Variants in DTNBP1 observed in about 807,000 individuals in gnomAD.
DTNBP1 encodes dysbindin.
A neutral mutation model predicts 42.8 loss-of-function variants in DTNBP1; 35 were observed. The ratio of observed to expected loss-of-function variants is 0.82; its 90% confidence interval spans 0.63 to 1.09. The LOEUF is 1.09. DTNBP1 is among the 50% of genes least tolerant of loss of function. The pLI, the probability that DTNBP1 is intolerant of heterozygous loss-of-function variation, is 0.00. For synonymous variants in DTNBP1, 171 were observed against 162.2 expected, an observed-to-expected ratio of 1.05 and a Z score of -0.41; for missense variants, 457 against 424.2, an observed-to-expected ratio of 1.08 and a Z score of -0.68.
chr6:15,530,356 A>G (rs1441100404), intron 8 of DTNBP1, among the ~76,000 whole-genome samples: 1 of 152,118 alleles, frequency 6.6e-6, no homozygotes, highest in Non-Finnish European at 1.5e-5. Flanking sequence ...CAGGGCCGCC[A>G]ATTTTCTTCT....
intron 8 of DTNBP1, among the ~76,000 whole-genome samples, chr6:15,526,649 G>A: frequency 6.6e-6 from 1 of 152,200 alleles, no homozygotes. Context: ...TCAAGGCTGA[G>A]TGGTCAGGGG....
intron 7 of DTNBP1, among the ~76,000 whole-genome samples, chr6:15,561,032 A>G (rs1329418793): frequency 6.6e-6 from 1 of 152,176 alleles, no homozygotes; most frequent in Non-Finnish European, 1.5e-5. Context: ...AAAATGGGAG[A>G]CTGGAGAGAG....
intron 6 of DTNBP1, among the ~76,000 whole-genome samples, chr6:15,602,918 CATTT>C (rs1776786935): frequency 6.6e-6 from 1 of 152,164 alleles, no homozygotes; most frequent in Non-Finnish European, 1.5e-5. Flanking sequence ...GTTAGAGAGA[CATTT>C]ATTATTTAAA....
intron 7 of DTNBP1, among the ~76,000 whole-genome samples, chr6:15,569,442 C>G (rs1775245965): frequency 6.7e-6 from 1 of 148,150 alleles, no homozygotes; most frequent in South Asian, 2.1e-4. Flanking sequence ...CACTCTTCAA[C>G]CAATCAATGA....
intron 7 of DTNBP1, among the ~76,000 whole-genome samples, chr6:15,551,522 AC>A (rs1460031156): frequency 6.6e-6 from 1 of 151,936 alleles, no homozygotes; most frequent in Non-Finnish European, 1.5e-5. Flanking sequence ...AATTGCCTTG[AC>A]CCTTTGCTCA....
At chr6:15,640,348 T>C (rs534927339) in intron 3 of DTNBP1, among the ~76,000 whole-genome samples, 1 of 152,346 alleles carries the variant, frequency 6.6e-6, no homozygotes, top group South Asian at 2.1e-4. Context: ...AGACACTGGA[T>C]GTAAACTCCT....
At chr6:15,595,416 C>G (rs1554166633) in intron 6 of DTNBP1, among the ~76,000 whole-genome samples, 1 of 151,694 alleles carries the variant, frequency 6.6e-6, no homozygotes. Flanking sequence ...AGCCACCCAC[C>G]ACCACATGCC....
At chr6:15,601,990 AG>A (rs1285578316) in intron 6 of DTNBP1, among the ~76,000 whole-genome samples, 1 of 152,124 alleles carries the variant, frequency 6.6e-6, no homozygotes, top group African/African-American at 2.4e-5. Context: ...CAGTAGCATT[AG>A]CCGGGCACAA....
At position 15,523,084 on chromosome 6, in the gene DTNBP1, G is replaced by GAC; in HGVS notation, c.945_946dup (p.Ser316CysfsTer70). On this transcript the variant is annotated frameshift_variant, in exon 10 of 10. Transcript: ENST00000344537. LOFTEE classifies it low-confidence loss of function (END_TRUNC). ...CTCCTCATCGGACTGAACAACGGGG[G>GAC]ACTCCCCACCCTCACTGATGTCCCG... The GAC allele has an allele frequency of 6.2e-7, 1 of 1,614,202 alleles. No individual in the cohort carries two copies. The highest frequency in any genetic ancestry group is 8.5e-7 in the Non-Finnish European group (1 of 1,180,040).
rs56173414 is a variant in DTNBP1, at chr6:15,553,594, C to CTTTTTTTTTTTTTTTTTTTTTTT, written c.512-20200_512-20199insAAAAAAAAAAAAAAAAAAAAAAA. Among the ~76,000 whole-genome samples, 16 of 72,962 alleles carry CTTTTTTTTTTTTTTTTTTTTTTT rather than the reference C, an allele frequency of 2.2e-4. 3 individuals carry two copies. Among genetic ancestry groups the CTTTTTTTTTTTTTTTTTTTTTTT allele is most frequent in the Non-Finnish European group, 3.4e-4 (14 of 41,340 alleles). The allele number at this position is 72,962 out of a possible 152,430, so 47.9% of individuals were successfully genotyped here. A position where few individuals can be genotyped will look rare whatever the true frequency, so the allele number is the denominator to read the frequency against. On this transcript the variant is annotated intron_variant, in intron 7 of 9. Transcript: ENST00000344537. ...CAGTTCAATGCTCTTGACAAGTGAGCTTTTTTTTTTTTGGCCTCAGACAGC... is the reference window on the plus strand; with the variant it reads ...CAGTTCAATGCTCTTGACAAGTGAGCTTTTTTTTTTTTTTTTTTTTTTTTTTTTTTTTTTTGGCCTCAGACAGC...
chr6:15,564,066 A>G (rs1054940928), intron 7 of DTNBP1, among the ~76,000 whole-genome samples: 9 of 123,958 alleles, frequency 7.3e-5, no homozygotes, highest in Non-Finnish European at 1.0e-4. Context: ...TTGGTCTCGG[A>G]AAAAAAAAAA....
In DTNBP1 at chr6:15,523,042, G is replaced by C. The variant is rs377706593; in HGVS notation, c.989C>G (p.Thr330Ser). Residue 330 changes from threonine to serine, a missense_variant, in exon 10 of 10, where the codon ACT becomes AGT. Thr to Ser is a moderately conservative substitution (Grantham distance 58). Transcript: ENST00000344537. ...GTCAGTGTGTGATGTGGCCAGGGCA[G>C]TGTCCACCTGAACTTCCTCCTCATC... ...QSDEEEVQVD[T>S]ALATSHTDRE... The C allele has an allele frequency of 3.7e-6, 6 of 1,614,110 alleles. No homozygotes were observed. The highest frequency in any genetic ancestry group is 5.1e-6 in the Non-Finnish European group (6 of 1,180,054).
intron 6 of DTNBP1, among the ~76,000 whole-genome samples, chr6:15,598,038 T>C (rs573457484): frequency 6.6e-6 from 1 of 152,332 alleles, no homozygotes; most frequent in Admixed American, 6.5e-5. Flanking sequence ...CTAATGCCTT[T>C]ACAAAATTTA....
At chr6:15,524,007 A>G (rs1218807873) in intron 9 of DTNBP1, 12 of 1,288,510 alleles carry the variant, frequency 9.3e-6, no homozygotes, top group South Asian at 1.2e-5. Flanking sequence ...ACCTCAGCCC[A>G]TATTTGCTGC....
rs1030626738 is a variant in DTNBP1 at position 15,624,348 on chromosome 6, C to T, written c.355+2995G>A. 5.3e-5 allele frequency among the ~76,000 whole-genome samples: 8 copies of T among 152,140 alleles called. No individual in the cohort carries two copies. The South Asian group carries it at 1.0e-3, about 20-fold the overall frequency. ...ATACCCTTATTACTTATTTTTAAAA[C>T]GACAAACCTTACCAGTAAGTATCAA... On this transcript the variant is annotated intron_variant, in intron 5 of 9. Transcript: ENST00000344537.
At chr6:15,523,357 T>C in intron 9 of DTNBP1, 138 bp from the exon 10 acceptor site, 1 of 1,348,908 alleles carries the variant, frequency 7.4e-7, no homozygotes, top group Non-Finnish European at 1.0e-6. Context: ...CTGCAGAACT[T>C]GGGAACTGCC....
At chr6:15,645,624 C>T (rs1383365331) in intron 3 of DTNBP1, among the ~76,000 whole-genome samples, 1 of 151,908 alleles carries the variant, frequency 6.6e-6, no homozygotes, top group East Asian at 1.9e-4. Context: ...GATGCAAGGA[C>T]GGTTCAACAA....
intron 6 of DTNBP1, chr6:15,615,012 A>G: frequency 1.7e-6 from 1 of 573,036 alleles, no homozygotes; most frequent in African/African-American, 1.9e-5. Flanking sequence ...TTGCTGGAAA[A>G]CTTTGCCCTG....
intron 4 of DTNBP1, among the ~76,000 whole-genome samples, chr6:15,635,137 G>A (rs1387556273): frequency 6.6e-6 from 1 of 151,998 alleles, no homozygotes; most frequent in Non-Finnish European, 1.5e-5. Context: ...TGTTGTTGTT[G>A]CTTTAGACAG....
Sources: gnomAD v4.1 joint callset for allele counts (sites outside exome capture counted in the v4.1 genomes callset) on GRCh38, gnomAD v4.1.1 for gene constraint, MANE v1.5 for transcripts, NCBI Gene and HGNC (gene_info 2026-07-23, HGNC 2026-07-21) for gene names.